Variants in CTIF observed in about 807,000 individuals in gnomAD.
The protein encoded by CTIF is cap binding complex dependent translation initiation factor, also known as CBP80/20-dependent translation initiation factor.
In CTIF, 21 loss-of-function variants were observed where a neutral mutation model predicts 66.0. That is an observed-to-expected ratio of 0.32 (90% CI 0.23 to 0.46). CTIF has a LOEUF of 0.46. Among genes scored for constraint, CTIF ranks in the 20% least tolerant of loss-of-function variants. The pLI is 1.00. For synonymous variants in CTIF, 345 were observed against 326.4 expected (o/e 1.06, Z -0.62); for missense variants, 739 against 812.7 (o/e 0.91, Z 1.10).
chr18:48,637,106 T>C (rs1393917271), intron 3 of CTIF, among the ~76,000 whole-genome samples: 1 of 152,176 alleles, frequency 6.6e-6, no homozygotes, highest in Admixed American at 6.5e-5. Context: ...GTGCTTTGGA[T>C]ATCACTTCTG....
intron 3 of CTIF, among the ~76,000 whole-genome samples, chr18:48,647,411 T>G (rs2091062953): frequency 6.6e-6 from 1 of 152,128 alleles, no homozygotes; most frequent in Admixed American, 6.5e-5. Flanking sequence ...GAGTTGGACT[T>G]CATCATAATT....
chr18:48,651,235 G>A (rs2091150229), intron 3 of CTIF, among the ~76,000 whole-genome samples: 1 of 152,188 alleles, frequency 6.6e-6, no homozygotes, highest in South Asian at 2.1e-4. Flanking sequence ...TCAGTGTGCT[G>A]TATTCAGGAG....
At chr18:48,547,078 C>T (rs1046324550) in intron 1 of CTIF, among the ~76,000 whole-genome samples, 5 of 152,046 alleles carry the variant, frequency 3.3e-5, no homozygotes, top group Admixed American at 6.6e-5. Context: ...AGATGCTTTG[C>T]GATCAGGGCA....
chr18:48,698,531 T>C lies in CTIF; in HGVS notation c.508-13088T>C, dbSNP rs191320218. Among the ~76,000 whole-genome samples the C allele has an allele frequency of 4.9e-4, 74 of 152,316 alleles. 1 individual carries two copies. The East Asian group carries it at 0.012, about 25-fold the overall frequency. ...TACAGCCCAATTCTCCATTTTTAAA[T>C]TTACTGGTTTATGAAATTTGAAATG... On this transcript the variant is annotated intron_variant, in intron 6 of 11. Coordinates refer to ENST00000256413, the MANE Select transcript of CTIF (RefSeq NM_014772.3).
At chr18:48,763,662 T>A (rs557682208) in intron 9 of CTIF, among the ~76,000 whole-genome samples, 16 of 152,240 alleles carry the variant, frequency 1.1e-4, no homozygotes, top group Non-Finnish European at 1.9e-4. Flanking sequence ...ATTCCAGACC[T>A]GATTCGTTTG....
At chr18:48,656,349 C>T (rs1292340600) in intron 3 of CTIF, among the ~76,000 whole-genome samples, 8 of 152,238 alleles carry the variant, frequency 5.3e-5, no homozygotes, top group African/African-American at 1.9e-4. Context: ...TTGGCAGGTG[C>T]TCTGTGCCTC....
chr18:48,817,423 G>A, intron 10 of CTIF, 47 bp downstream of exon 10: 1 of 1,566,870 alleles, frequency 6.4e-7, no homozygotes, highest in Non-Finnish European at 8.7e-7. Flanking sequence ...GACAGCACCA[G>A]GTCTGGAATG....
intron 7 of CTIF, among the ~76,000 whole-genome samples, chr18:48,714,136 G>C (rs76018831): frequency 4.6e-5 from 7 of 152,194 alleles, no homozygotes; most frequent in Non-Finnish European, 7.3e-5. Context: ...ATATTATCAG[G>C]TGACCCCTAA....
chr18:48,558,013 T>C (rs1469115922), intron 1 of CTIF, among the ~76,000 whole-genome samples: 1 of 152,276 alleles, frequency 6.6e-6, no homozygotes, highest in Non-Finnish European at 1.5e-5. Flanking sequence ...CATAATTCAG[T>C]CTGTAACACT....
chr18:48,764,831 G>A (rs1487102775), intron 9 of CTIF, among the ~76,000 whole-genome samples: 1 of 152,236 alleles, frequency 6.6e-6, no homozygotes, highest in Non-Finnish European at 1.5e-5. Context: ...TATAACCAGA[G>A]GCTTGATCTG....
intron 9 of CTIF, among the ~76,000 whole-genome samples, chr18:48,780,236 AGGACCCTGG>A (rs1911077594): frequency 6.6e-6 from 1 of 152,228 alleles, no homozygotes; most frequent in Admixed American, 6.5e-5. Flanking sequence ...TTAAGAAGTG[AGGACCCTGG>A]GGTGTGAGCC....
At chr18:48,830,429 G>A (rs1842587999) in intron 10 of CTIF, among the ~76,000 whole-genome samples, 1 of 152,190 alleles carries the variant, frequency 6.6e-6, no homozygotes. Context: ...CTCCCAAGGT[G>A]CTGGGATTAC....
rs1284500524 is a variant in CTIF at position 48,689,552 on chromosome 18, CCATTCTATTTCTT to C, written c.507+18811_507+18823del. ...TAACAGCCAAGAAGGCAAGTTTCCT[CCATTCTATTTCTT>C]CAGGAGGATGGAGTCACGAGGTCAT... On this transcript the variant is annotated intron_variant, in intron 6 of 11. Coordinates refer to ENST00000256413, the MANE Select transcript of CTIF (RefSeq NM_014772.3). Among the ~76,000 whole-genome samples, 10 of 152,302 alleles carry C rather than the reference CCATTCTATTTCTT, an allele frequency of 6.6e-5. 1 individual carries two copies. The East Asian group carries it at 1.9e-3, about 29-fold the overall frequency.
At chr18:48,681,947 G>A (rs1475216577) in intron 6 of CTIF, among the ~76,000 whole-genome samples, 4 of 151,958 alleles carry the variant, frequency 2.6e-5, no homozygotes, top group African/African-American at 9.7e-5. Flanking sequence ...CACCACACCC[G>A]GCTAATTTTT....
chr18:48,858,398 G>T (rs536489175), intron 11 of CTIF, among the ~76,000 whole-genome samples: 8 of 152,258 alleles, frequency 5.3e-5, no homozygotes, highest in Admixed American at 6.5e-5. Context: ...TTGGGATTAG[G>T]GGGGAATTAG....
intron 2 of CTIF, among the ~76,000 whole-genome samples, chr18:48,630,307 G>A (rs1426761424): frequency 6.7e-6 from 1 of 150,332 alleles, no homozygotes; most frequent in East Asian, 2.0e-4. Flanking sequence ...GGGGGGGTGG[G>A]CGACTGTGCA....
At chr18:48,824,015 A>ACAC in intron 10 of CTIF, among the ~76,000 whole-genome samples, 1 of 87,230 alleles carries the variant, frequency 1.1e-5, no homozygotes, top group African/African-American at 3.4e-5. Flanking sequence ...CACACACACA[A>ACAC]ACTGCTAGAA....
intron 2 of CTIF, among the ~76,000 whole-genome samples, chr18:48,633,361 C>T (rs533778354): frequency 2.0e-5 from 3 of 152,230 alleles, no homozygotes; most frequent in African/African-American, 4.8e-5. Flanking sequence ...ATTATACATA[C>T]GTATGTATAT....
intron 7 of CTIF, among the ~76,000 whole-genome samples, chr18:48,748,227 T>G (rs1305544783): frequency 6.6e-6 from 1 of 152,108 alleles, no homozygotes; most frequent in Non-Finnish European, 1.5e-5. Context: ...ATGGGCTTTC[T>G]GCTCAACCTC....
Sources: allele counts gnomAD v4.1 joint callset (sites outside exome capture counted in the v4.1 genomes callset), GRCh38; gene constraint gnomAD v4.1.1; transcripts MANE v1.5; gene names NCBI Gene and HGNC (gene_info 2026-07-23, HGNC 2026-07-21).